The following SGCZ variants were observed in gnomAD, a reference collection of about 807,000 sequenced individuals.
The protein encoded by SGCZ is sarcoglycan zeta.
SGCZ carries 40 observed loss-of-function variants against 41.3 expected under a neutral mutation model. The ratio of observed to expected loss-of-function variants is 0.97; its 90% CI spans 0.75 to 1.26. SGCZ has a LOEUF of 1.26. Ranked by LOEUF, SGCZ falls within the 50% of genes most tolerant of loss-of-function variation. The probability of loss-of-function intolerance (pLI) is 0.00; values close to 1 mark genes in which losing one functional copy is unlikely to be tolerated. For missense variants in SGCZ, 552 were observed against 369.8 expected (o/e 1.49, Z -4.04); for synonymous variants, 206 against 137.5 (o/e 1.50, Z -3.49).
At chr8:14,756,445 A>C (rs548887543) in intron 1 of SGCZ, among the ~76,000 whole-genome samples, 8 of 152,262 alleles carry the variant, frequency 5.3e-5, no homozygotes, top group Admixed American at 3.3e-4. Context: ...TGGGCCTCCC[A>C]AAGTGGTGGG....
intron 2 of SGCZ, among the ~76,000 whole-genome samples, chr8:14,513,992 A>C (rs1036758359): frequency 2.3e-4 from 35 of 152,120 alleles, no homozygotes; most frequent in Admixed American, 2.0e-3. Flanking sequence ...ATATATTTGC[A>C]ATATTTCAGG....
intron 2 of SGCZ, among the ~76,000 whole-genome samples, chr8:14,539,994 G>C (rs1056800659): frequency 1.3e-5 from 2 of 151,806 alleles, no homozygotes; most frequent in African/African-American, 4.8e-5. Flanking sequence ...AACACGCTGA[G>C]ACAAAATTTA....
At chr8:14,342,453 C>G (rs1198483938) in intron 2 of SGCZ, among the ~76,000 whole-genome samples, 1 of 152,068 alleles carries the variant, frequency 6.6e-6, no homozygotes, top group Non-Finnish European at 1.5e-5. Flanking sequence ...GTAGCTGGGA[C>G]TACAGGTGCC....
chr8:14,606,235 T>G (rs1175353255), intron 1 of SGCZ, among the ~76,000 whole-genome samples: 1 of 152,184 alleles, frequency 6.6e-6, no homozygotes, highest in East Asian at 1.9e-4. Flanking sequence ...TTACAGATAA[T>G]TTGATTTGCC....
At chr8:15,078,862 ATCC>A (rs1563490112) in intron 1 of SGCZ, among the ~76,000 whole-genome samples, 6 of 148,504 alleles carry the variant, frequency 4.0e-5, no homozygotes, top group African/African-American at 1.5e-4. Context: ...TAGTATTCTA[ATCC>A]TCCTTTCTCT....
rs998299208 is a variant in SGCZ at position 14,088,462 on chromosome 8, T to C, written c.*1981A>G. 4.0e-5 allele frequency among the ~76,000 whole-genome samples: 6 copies of C among 151,880 alleles called. No homozygotes were observed. The highest frequency in any genetic ancestry group is 7.4e-5 in the Non-Finnish European group (5 of 67,860). The stretch of plus-strand genomic sequence containing the variant: ...ATGTTTTCCTTAAAAGTCCATAATA[T>C]AGTGATTAGCACACATAATTTCTCA... On this transcript the variant is annotated 3_prime_UTR_variant, in exon 8 of 8. Transcript: ENST00000382080.
At chr8:14,317,354 G>C (rs936410882) in intron 3 of SGCZ, among the ~76,000 whole-genome samples, 2 of 151,938 alleles carry the variant, frequency 1.3e-5, no homozygotes, top group Non-Finnish European at 2.9e-5. Context: ...GTTAACTAAA[G>C]TTACAAGTGC....
At chr8:14,321,487 T>C (rs564340181) in intron 3 of SGCZ, among the ~76,000 whole-genome samples, 8 of 152,176 alleles carry the variant, frequency 5.3e-5, no homozygotes, top group South Asian at 2.1e-4. Flanking sequence ...TTCTGTTCAA[T>C]AGACATCTCT....
rs545630616 is a variant in SGCZ at position 14,413,540 on chromosome 8, A to G, written c.235-89336T>C. ...AGCTAAATGGATGTTTCAGGATTAC[A>G]TATTAAAACTTGTTCCATCTCTAGA... On this transcript the variant is annotated intron_variant, in intron 2 of 7. Transcript: ENST00000382080. 3.9e-4 allele frequency among the ~76,000 whole-genome samples: 59 copies of G among 152,150 alleles called. No individual in the cohort carries two copies. The Middle Eastern group carries it at 0.014, about 35-fold the overall frequency.
chr8:14,461,038 A>G (rs951904346), intron 2 of SGCZ, among the ~76,000 whole-genome samples: 2 of 152,074 alleles, frequency 1.3e-5, no homozygotes, highest in Non-Finnish European at 2.9e-5. Context: ...GCACTTGGAG[A>G]AAGCACCACA....
chr8:14,519,587 G>A (rs889071479), intron 2 of SGCZ, among the ~76,000 whole-genome samples: 1 of 152,070 alleles, frequency 6.6e-6, no homozygotes, highest in African/African-American at 2.4e-5. Context: ...AAATGTTAGT[G>A]ATGGGTAGTG....
At chr8:14,164,540 A>G (rs764504861) in intron 5 of SGCZ, 40 bp downstream of exon 5, 1 of 1,610,858 alleles carries the variant, frequency 6.2e-7, no homozygotes. Context: ...TATATTCTTT[A>G]AAGAAGTAAA....
intron 2 of SGCZ, among the ~76,000 whole-genome samples, chr8:14,327,742 A>G (rs1290489137): frequency 1.3e-5 from 2 of 152,156 alleles, no homozygotes; most frequent in Admixed American, 6.5e-5. Context: ...TTTCATTTAA[A>G]TTAGATAAAA....
At chr8:14,887,435 G>GA (rs1804852835) in intron 1 of SGCZ, among the ~76,000 whole-genome samples, 1 of 152,008 alleles carries the variant, frequency 6.6e-6, no homozygotes, top group Admixed American at 6.6e-5. Flanking sequence ...AATGTAAAGA[G>GA]AAAAAACTAG....
At chr8:14,836,453 G>A (rs577364593) in intron 1 of SGCZ, among the ~76,000 whole-genome samples, 1 of 152,018 alleles carries the variant, frequency 6.6e-6, no homozygotes. Flanking sequence ...CTGGTATCCC[G>A]CTTTCTAGTC....
chr8:14,251,512 A>G (rs1462614200), intron 3 of SGCZ, among the ~76,000 whole-genome samples: 2 of 152,200 alleles, frequency 1.3e-5, no homozygotes, highest in East Asian at 3.9e-4. Flanking sequence ...CCAAAGTATT[A>G]TATTTTAATA....
intron 2 of SGCZ, among the ~76,000 whole-genome samples, chr8:14,449,124 T>C (rs1346514449): frequency 6.6e-6 from 1 of 152,140 alleles, no homozygotes; most frequent in African/African-American, 2.4e-5. Flanking sequence ...TAGCAAAACA[T>C]TCGGGGAGGA....
At chr8:14,220,327 G>GA (rs1287903522) in intron 4 of SGCZ, among the ~76,000 whole-genome samples, 1 of 151,920 alleles carries the variant, frequency 6.6e-6, no homozygotes, top group Non-Finnish European at 1.5e-5. Flanking sequence ...AATATTACGA[G>GA]AAAAAAAGTC....
chr8:14,887,901 T>C (rs1358579445), intron 1 of SGCZ, among the ~76,000 whole-genome samples: 1 of 152,104 alleles, frequency 6.6e-6, no homozygotes, highest in Non-Finnish European at 1.5e-5. Flanking sequence ...TTGTATCCCA[T>C]TGTGTTTACC....
Sources: gnomAD v4.1 joint callset for allele counts (sites outside exome capture counted in the v4.1 genomes callset) on GRCh38, gnomAD v4.1.1 for gene constraint, MANE v1.5 for transcripts, NCBI Gene and HGNC (gene_info 2026-07-23, HGNC 2026-07-21) for gene names.